Variants in FAAH2 observed in about 807,000 individuals in gnomAD.
The protein encoded by FAAH2 is fatty-acid amide hydrolase 2.
Under a neutral mutation model 36.9 loss-of-function variants are expected in FAAH2, and 60 were observed. That is an observed-to-expected ratio of 1.63 (90% confidence interval 1.32 to 2.02). The LOEUF (loss-of-function observed/expected upper bound fraction) is 2.02, where lower values mean the gene tolerates loss of function less well. FAAH2 is among the 30% of genes most tolerant of loss of function. The pLI, the probability that FAAH2 is intolerant of heterozygous loss-of-function variation, is 0.00. For missense variants in FAAH2, 689 were observed against 397.5 expected, an observed-to-expected ratio of 1.73 and a Z score of -6.23; for synonymous variants, 214 against 143.8, an observed-to-expected ratio of 1.49 and a Z score of -3.49.
the FAAH2 span, among the ~76,000 whole-genome samples, chrX:57,193,920 C>T: frequency 9.0e-6 from 1 of 111,134 alleles, no homozygotes; most frequent in Admixed American, 9.6e-5. Context: ...ATTTGGTTTG[C>T]TAGTATTTTG....
At chrX:57,410,771 C>G (rs1371081899) in intron 7 of FAAH2, among the ~76,000 whole-genome samples, 6 of 111,396 alleles carry the variant, frequency 5.4e-5, no homozygotes, top group African/African-American at 1.3e-4. Context: ...TTTCCTTTCT[C>G]TTTTATTTAA....
At chrX:57,323,005 C>T (rs921719260) in intron 3 of FAAH2, among the ~76,000 whole-genome samples, 1 of 110,196 alleles carries the variant, frequency 9.1e-6, no homozygotes, top group African/African-American at 3.3e-5. Context: ...CACAACAGGC[C>T]CCAGTGTGTG....
intron 7 of FAAH2, chrX:57,393,176 T>C: frequency 2.5e-6 from 3 of 1,179,171 alleles, no homozygotes; most frequent in Non-Finnish European, 3.5e-6. Context: ...CTTGAATGCA[T>C]TCACGGCCAC....
chrX:57,459,522 G>T (rs2056920576), intron 10 of FAAH2, among the ~76,000 whole-genome samples: 1 of 112,244 alleles, frequency 8.9e-6, no homozygotes, highest in Non-Finnish European at 1.9e-5. Context: ...TCCTCAAGTG[G>T]GTCTCTAAAC....
intron 7 of FAAH2, among the ~76,000 whole-genome samples, chrX:57,431,552 C>T (rs4826553): frequency 0.23 from 25,291 of 110,131 alleles, 2,674 homozygotes; most frequent in Middle Eastern, 0.57. Flanking sequence ...AAGTTCCATT[C>T]ATATTCTTTC....
At chrX:57,433,057 TTA>T (rs2056338294) in intron 8 of FAAH2, among the ~76,000 whole-genome samples, 1 of 111,094 alleles carries the variant, frequency 9.0e-6, no homozygotes, top group Non-Finnish European at 1.9e-5. Context: ...AACAAAACGT[TTA>T]TACAAATTCA....
chrX:57,124,629 C>T, the FAAH2 span, among the ~76,000 whole-genome samples: 5 of 111,676 alleles, frequency 4.5e-5, no homozygotes, highest in Non-Finnish European at 9.4e-5. Flanking sequence ...ATTCTTCCTA[C>T]CCATGAGCAT....
chrX:57,243,963 C>G, the FAAH2 span, among the ~76,000 whole-genome samples: 1 of 108,582 alleles, frequency 9.2e-6, no homozygotes, highest in Non-Finnish European at 1.9e-5. Flanking sequence ...GCTAAAGGAG[C>G]ATGTTCTAAC....
chrX:57,167,799 A>G, the FAAH2 span, among the ~76,000 whole-genome samples: 1 of 111,243 alleles, frequency 9.0e-6, no homozygotes, highest in South Asian at 3.8e-4. Context: ...TAGTGGTAGG[A>G]GCATTTACCT....
In FAAH2 at chrX:57,290,235, A is replaced by C. The variant is rs749969772; in HGVS notation, c.193-2263A>C. On this transcript the variant is annotated intron_variant, in intron 1 of 10. Transcript: ENST00000374900. ...TTTTTCTCACGTGCTGCATGCTACA[A>C]ACTCAATTACGGTAGCAGTGGCAGT... The C allele has an allele frequency of 5.9e-5, 44 of 745,277 alleles. No individual in the cohort carries two copies. In the South Asian group the frequency reaches 2.6e-3, roughly 44 times the overall value. 61.4% of individuals were successfully genotyped at this position (745,277 alleles called of 1,213,427 possible).
At chrX:57,275,149 T>G in the FAAH2 span, among the ~76,000 whole-genome samples, 1 of 112,037 alleles carries the variant, frequency 8.9e-6, no homozygotes, top group East Asian at 2.8e-4. Context: ...TGAAGTCCCA[T>G]TCACAATTAC....
chrX:57,366,157 T>C (rs1281621279), intron 5 of FAAH2, among the ~76,000 whole-genome samples: 1 of 112,168 alleles, frequency 8.9e-6, no homozygotes, highest in Non-Finnish European at 1.9e-5. Context: ...TCTTTCTTTT[T>C]TCCATCTGTG....
intron 7 of FAAH2, among the ~76,000 whole-genome samples, chrX:57,415,288 G>A (rs2055812072): frequency 9.0e-6 from 1 of 111,159 alleles, no homozygotes; most frequent in South Asian, 3.8e-4. Flanking sequence ...GTTTGCTGTT[G>A]CTTCTCTAGT....
intron 7 of FAAH2, among the ~76,000 whole-genome samples, chrX:57,403,313 C>A (rs1222450800): frequency 1.8e-5 from 2 of 112,355 alleles, no homozygotes; most frequent in Non-Finnish European, 1.9e-5. Context: ...CACCCATAGA[C>A]CTCTGCTTAT....
intron 2 of FAAH2, among the ~76,000 whole-genome samples, chrX:57,295,319 G>T (rs1037499824): frequency 8.9e-6 from 1 of 112,172 alleles, no homozygotes; most frequent in African/African-American, 3.2e-5. Flanking sequence ...ATGGTGTCAG[G>T]AACAGCAGGC....
chrX:57,449,847 A>G (rs766377704), intron 10 of FAAH2, among the ~76,000 whole-genome samples: 2 of 111,273 alleles, frequency 1.8e-5, no homozygotes, highest in East Asian at 5.7e-4. Context: ...TTGTATTTTT[A>G]GTAGAGACAG....
chrX:57,394,688 T>TA, intron 7 of FAAH2: 1 of 908,622 alleles, frequency 1.1e-6, no homozygotes, highest in Non-Finnish European at 1.6e-6. Flanking sequence ...TTGTTTTTTT[T>TA]ATCATCTGGG....
the FAAH2 span, among the ~76,000 whole-genome samples, chrX:57,278,338 T>C: frequency 1.8e-5 from 2 of 111,921 alleles, no homozygotes; most frequent in African/African-American, 6.5e-5. Context: ...AAGGATTCCC[T>C]ATTTAATAAA....
intron 5 of FAAH2, among the ~76,000 whole-genome samples, chrX:57,371,995 C>T (rs1390685248): frequency 2.7e-5 from 3 of 111,514 alleles, no homozygotes; most frequent in African/African-American, 9.8e-5. Context: ...CTTTTTTTGG[C>T]TGCATAATAT....
Sources: allele counts gnomAD v4.1 joint callset (sites outside exome capture counted in the v4.1 genomes callset), GRCh38; gene constraint gnomAD v4.1.1; transcripts MANE v1.5; gene names NCBI Gene and HGNC (gene_info 2026-07-23, HGNC 2026-07-21).